The following TENM2 variants were observed in gnomAD, a reference collection of about 807,000 sequenced individuals.
The protein encoded by TENM2 is teneurin transmembrane protein 2.
A neutral mutation model predicts 245.2 loss-of-function variants in TENM2; 52 were observed. The ratio of observed to expected loss-of-function variants is 0.21; its 90% CI spans 0.17 to 0.27. TENM2 has a LOEUF of 0.27. TENM2 is among the 10% of genes least tolerant of loss of function. The probability of loss-of-function intolerance (pLI) is 1.00; values close to 1 mark genes in which losing one functional copy is unlikely to be tolerated. For synonymous variants in TENM2, 1,363 were observed against 1,438.9 expected, an observed-to-expected ratio of 0.95 and a Z score of 1.19; for missense variants, 3,046 against 3,666.8, an observed-to-expected ratio of 0.83 and a Z score of 4.37.
chr5:167,600,387 T>A (rs1316333216), intron 2 of TENM2, among the ~76,000 whole-genome samples: 1 of 152,264 alleles, frequency 6.6e-6, no homozygotes, highest in Non-Finnish European at 1.5e-5. Flanking sequence ...TAAAAAATAA[T>A]GTTTTTCTTA....
chr5:168,116,649 T>C (rs1340214599), intron 9 of TENM2, among the ~76,000 whole-genome samples: 1 of 152,198 alleles, frequency 6.6e-6, no homozygotes, highest in Non-Finnish European at 1.5e-5. Context: ...AAATCAACAA[T>C]GATAAACATA....
intron 2 of TENM2, among the ~76,000 whole-genome samples, chr5:167,511,393 A>T (rs905479058): frequency 8.5e-5 from 13 of 152,160 alleles, no homozygotes; most frequent in African/African-American, 3.1e-4. Context: ...AACACAGAAC[A>T]TTCCTCCTCC....
intron 12 of TENM2, among the ~76,000 whole-genome samples, chr5:168,136,311 CTT>C (rs1416299711): frequency 6.6e-6 from 1 of 152,208 alleles, no homozygotes; most frequent in East Asian, 1.9e-4. Context: ...TCACTCCACA[CTT>C]TCATCCCAAG....
At chr5:167,906,189 AAAAAT>A (rs1381404795) in intron 3 of TENM2, among the ~76,000 whole-genome samples, 17 of 152,230 alleles carry the variant, frequency 1.1e-4, no homozygotes, top group East Asian at 1.9e-4. Flanking sequence ...TTATTTTAAA[AAAAAT>A]AAAATAAAAT....
chr5:167,599,215 CTGAG>C (rs1776434738), intron 2 of TENM2, among the ~76,000 whole-genome samples: 1 of 152,076 alleles, frequency 6.6e-6, no homozygotes, highest in South Asian at 2.1e-4. Flanking sequence ...ATTTTTTGGG[CTGAG>C]TGTGTGTTGT....
intron 2 of TENM2, among the ~76,000 whole-genome samples, chr5:167,767,388 T>G (rs1392866874): frequency 6.6e-6 from 1 of 152,140 alleles, no homozygotes; most frequent in African/African-American, 2.4e-5. Flanking sequence ...GGTTACCAAG[T>G]ACTAGAGAAA....
At chr5:167,857,382 G>A (rs1279132405) in intron 2 of TENM2, among the ~76,000 whole-genome samples, 1 of 152,178 alleles carries the variant, frequency 6.6e-6, no homozygotes, top group Non-Finnish European at 1.5e-5. Context: ...GAACTGCAGG[G>A]CCTCGAGTGT....
At chr5:167,416,499 C>T (rs1763173448) in intron 2 of TENM2, among the ~76,000 whole-genome samples, 1 of 152,032 alleles carries the variant, frequency 6.6e-6, no homozygotes, top group Non-Finnish European at 1.5e-5. Flanking sequence ...GTTTGTTTTG[C>T]AACTATTTGC....
intron 1 of TENM2, among the ~76,000 whole-genome samples, chr5:167,290,609 G>GAAC (rs1561839348): frequency 6.6e-6 from 1 of 152,026 alleles, no homozygotes; most frequent in East Asian, 1.9e-4. Context: ...TTCATAGAGT[G>GAAC]TGTCTGACTC....
intron 1 of TENM2, among the ~76,000 whole-genome samples, chr5:167,290,798 T>G (rs1426190320): frequency 2.6e-5 from 4 of 151,920 alleles, no homozygotes; most frequent in African/African-American, 7.3e-5. Flanking sequence ...TTGGAAAAAC[T>G]GCTCTAAGGT....
chr5:168,061,728 A>T (rs73803868), intron 6 of TENM2, among the ~76,000 whole-genome samples: 1 of 152,178 alleles, frequency 6.6e-6, no homozygotes, highest in Admixed American at 6.5e-5. Context: ...TCCCCTGCTG[A>T]TAAGTTTTAC....
chr5:167,085,735 A>G, the TENM2 span, among the ~76,000 whole-genome samples: 3 of 152,214 alleles, frequency 2.0e-5, no homozygotes, highest in Non-Finnish European at 2.9e-5. Context: ...AGTGGCAGAT[A>G]TAGGATGCAA....
intron 2 of TENM2, among the ~76,000 whole-genome samples, chr5:167,584,001 C>T (rs1775296975): frequency 1.3e-5 from 2 of 152,198 alleles, no homozygotes; most frequent in Non-Finnish European, 2.9e-5. Context: ...AAATTAGGAG[C>T]TCCCACTCTG....
At chr5:167,973,583 G>A (rs779195472) in intron 4 of TENM2, among the ~76,000 whole-genome samples, 3 of 152,220 alleles carry the variant, frequency 2.0e-5, no homozygotes, top group Non-Finnish European at 2.9e-5. Flanking sequence ...GAAGCATGGA[G>A]CGTGGAGTGC....
intron 23 of TENM2, 24 bp downstream of exon 25, chr5:168,219,023 C>T (rs1157563692): frequency 6.3e-7 from 1 of 1,597,090 alleles, no homozygotes; most frequent in Non-Finnish European, 8.5e-7. Context: ...TAAAGCATCT[C>T]TGAAGAGCCC....
At chr5:167,987,945 C>T (rs543202953) in intron 4 of TENM2, among the ~76,000 whole-genome samples, 2 of 152,038 alleles carry the variant, frequency 1.3e-5, no homozygotes, top group Non-Finnish European at 2.9e-5. Context: ...CATTTTAAAC[C>T]CCAGAGACTA....
chr5:168,178,786 C>T (rs1429457909), intron 13 of TENM2, among the ~76,000 whole-genome samples: 10 of 152,146 alleles, frequency 6.6e-5, no homozygotes. Context: ...TGTGAAAAAC[C>T]GAGAACAGAA....
chr5:167,491,343 T>C (rs1309522926), intron 2 of TENM2, among the ~76,000 whole-genome samples: 1 of 152,152 alleles, frequency 6.6e-6, no homozygotes, highest in Non-Finnish European at 1.5e-5. Context: ...TTACCTTATT[T>C]TTTCCTATGG....
rs543900155 is a variant in TENM2, at chr5:168,262,373, G to A, written c.7888G>A (p.Asp2630Asn). ...TGTGAAGATTGGCTCAGCCGATGGC[G>A]ACCTGGTCACACTAGGCACCACCAT... is the stretch of plus-strand genomic sequence containing the variant. The change falls in exon 29 of 29, where the codon GAC becomes AAC. Residue 2630 changes from aspartate to asparagine, a missense_variant. Asp to Asn is a conservative substitution (Grantham distance 23). This residue lies in a region of TENM2 where 2,704 missense variants were observed against 3,331.9 expected (regional missense o/e 0.81). Coordinates refer to ENST00000518659, the Ensembl canonical transcript of TENM2. 6.8e-5 allele frequency: 109 copies of A among 1,601,592 alleles called. No individual in the cohort carries two copies. Among genetic ancestry groups the A allele is most frequent in the Admixed American group, 4.8e-4 (28 of 58,378 alleles).
Sources: allele counts gnomAD v4.1 joint callset (sites outside exome capture counted in the v4.1 genomes callset), GRCh38; gene constraint gnomAD v4.1.1; regional missense constraint gnomAD v4.1.1; transcripts MANE v1.5; gene names NCBI Gene and HGNC (gene_info 2026-07-23, HGNC 2026-07-21).